Variants in DSCAM observed in about 807,000 individuals in gnomAD.
DSCAM encodes the protein cell adhesion molecule DSCAM.
In DSCAM, 47 loss-of-function variants were observed where a neutral mutation model predicts 217.7. That is an observed-to-expected ratio of 0.22 (90% CI 0.17 to 0.28). DSCAM has a LOEUF of 0.28. Ranked by LOEUF, DSCAM falls within the 10% of genes least tolerant of loss-of-function variation. DSCAM has a pLI of 1.00. For missense variants in DSCAM, 2,080 were observed against 2,618.3 expected, an observed-to-expected ratio of 0.79 and a Z score of 4.49; for synonymous variants, 1,056 against 1,015.3, an observed-to-expected ratio of 1.04 and a Z score of -0.76.
At chr21:40,705,844 C>T (rs1375026433) in intron 2 of DSCAM, among the ~76,000 whole-genome samples, 4 of 152,168 alleles carry the variant, frequency 2.6e-5, no homozygotes, top group Non-Finnish European at 5.9e-5. Context: ...AATGTGGCTC[C>T]CACACCTCCA....
chr21:40,642,169 C>T (rs560731537), intron 3 of DSCAM, among the ~76,000 whole-genome samples: 12 of 152,178 alleles, frequency 7.9e-5, no homozygotes, highest in African/African-American at 2.6e-4. Flanking sequence ...ACAGCTGGGC[C>T]CTGGCTGTTG....
intron 3 of DSCAM, among the ~76,000 whole-genome samples, chr21:40,677,063 G>A (rs1248109811): frequency 6.6e-6 from 1 of 152,118 alleles, no homozygotes; most frequent in Non-Finnish European, 1.5e-5. Flanking sequence ...AATTAGCCGG[G>A]GGGGAATCTC....
At chr21:40,459,395 T>C (rs1326447335) in intron 3 of DSCAM, among the ~76,000 whole-genome samples, 3 of 152,042 alleles carry the variant, frequency 2.0e-5, no homozygotes, top group Non-Finnish European at 4.4e-5. Flanking sequence ...ACTGTATAAA[T>C]AAAAAGTTCA....
At chr21:40,500,174 A>T (rs1440848949) in intron 3 of DSCAM, among the ~76,000 whole-genome samples, 8 of 152,202 alleles carry the variant, frequency 5.3e-5, no homozygotes, top group Admixed American at 5.2e-4. Flanking sequence ...TCAGGACAAC[A>T]CATGATTTGC....
intron 3 of DSCAM, among the ~76,000 whole-genome samples, chr21:40,649,866 G>A (rs574338935): frequency 1.4e-4 from 21 of 152,330 alleles, no homozygotes; most frequent in African/African-American, 4.8e-4. Context: ...TGTCAGCAGT[G>A]CCTTCTGCAA....
At chr21:40,808,468 A>G (rs2091807735) in intron 1 of DSCAM, among the ~76,000 whole-genome samples, 1 of 128,090 alleles carries the variant, frequency 7.8e-6, no homozygotes, top group Non-Finnish European at 1.6e-5. Flanking sequence ...GGTTAATACA[A>G]CCATCATTTT....
chr21:40,777,519 C>T (rs778612477), intron 1 of DSCAM, among the ~76,000 whole-genome samples: 2 of 152,090 alleles, frequency 1.3e-5, no homozygotes, highest in Non-Finnish European at 2.9e-5. Context: ...AAAATACAAA[C>T]GTTGGATGAA....
chr21:40,374,233 A>T (rs2074928182), intron 3 of DSCAM, among the ~76,000 whole-genome samples: 1 of 152,218 alleles, frequency 6.6e-6, no homozygotes, highest in Non-Finnish European at 1.5e-5. Context: ...AAAAAATTAA[A>T]TTGGTATCTA....
intron 1 of DSCAM, among the ~76,000 whole-genome samples, chr21:40,760,497 C>T (rs190104264): frequency 3.9e-5 from 6 of 152,344 alleles, no homozygotes; most frequent in East Asian, 3.9e-4. Context: ...CCTAGAGACA[C>T]TGTCTTTCTA....
chr21:40,092,203 C>T (rs1046393877), intron 21 of DSCAM, among the ~76,000 whole-genome samples: 1 of 152,100 alleles, frequency 6.6e-6, no homozygotes, highest in Non-Finnish European at 1.5e-5. Context: ...TCCCTTCTTC[C>T]CCCATCTATT....
At chr21:40,685,934 A>T (rs2146435548) in intron 3 of DSCAM, among the ~76,000 whole-genome samples, 2 of 80,668 alleles carry the variant, frequency 2.5e-5, no homozygotes, top group South Asian at 4.4e-4. Flanking sequence ...AACTGAGGCA[A>T]ACAAAAACAA....
intron 8 of DSCAM, among the ~76,000 whole-genome samples, chr21:40,318,311 T>C (rs924615116): frequency 6.8e-6 from 1 of 146,816 alleles, no homozygotes; most frequent in Non-Finnish European, 1.5e-5. Context: ...ATTGTGCACA[T>C]GTACCCTAAA....
At chr21:40,138,179 C>T (rs1191321641) in intron 18 of DSCAM, among the ~76,000 whole-genome samples, 2 of 151,940 alleles carry the variant, frequency 1.3e-5, no homozygotes, top group Non-Finnish European at 2.9e-5. Flanking sequence ...GGAAAGTATT[C>T]GGGCTATTGC....
rs529619924 is a variant in DSCAM at position 40,224,331 on chromosome 21, C to A, written c.2357-35093G>T. On this transcript the variant is annotated intron_variant, in intron 11 of 32. Transcript: ENST00000400454. Reference sequence around the variant, plus strand: ...GATATCATATTTAATATTTAAATGTCTCTGGTATTTACACATCTCTGGTAG... The same window carrying A: ...GATATCATATTTAATATTTAAATGTATCTGGTATTTACACATCTCTGGTAG... 1.4e-4 allele frequency among the ~76,000 whole-genome samples: 21 copies of A among 152,250 alleles called. No individual in the cohort carries two copies. In the South Asian group the frequency reaches 2.9e-3, roughly 21 times the overall value.
At chr21:40,492,553 T>A (rs879857782) in intron 3 of DSCAM, among the ~76,000 whole-genome samples, 17 of 151,920 alleles carry the variant, frequency 1.1e-4, no homozygotes, top group Non-Finnish European at 2.1e-4. Context: ...CATTTTTTTT[T>A]AAAAGCAAAT....
At chr21:40,780,418 T>TATATATATAC (rs2091530297) in intron 1 of DSCAM, among the ~76,000 whole-genome samples, 1 of 61,286 alleles carries the variant, frequency 1.6e-5, no homozygotes, top group African/African-American at 1.2e-4. Flanking sequence ...TGTGTGTGTG[T>TATATATATAC]GTGTGTATAT....
At chr21:40,019,246 G>A (rs994851700) in intron 32 of DSCAM, among the ~76,000 whole-genome samples, 1 of 152,208 alleles carries the variant, frequency 6.6e-6, no homozygotes. Context: ...TGAGACTGTG[G>A]TGACCATGGG....
intron 1 of DSCAM, among the ~76,000 whole-genome samples, chr21:40,710,189 TC>T (rs1308951085): frequency 6.6e-6 from 1 of 152,146 alleles, no homozygotes; most frequent in Non-Finnish European, 1.5e-5. Context: ...GGGTTTTTTT[TC>T]TTGTAAATTT....
chr21:40,674,620 CTTTTTCTTTTT>C (rs2090314757), intron 3 of DSCAM, among the ~76,000 whole-genome samples: 1 of 100,574 alleles, frequency 9.9e-6, no homozygotes, highest in South Asian at 3.7e-4. Flanking sequence ...TTTTCTTTTT[CTTTTTCTTTTT>C]CTTTTTTTTT....
Sources: gnomAD v4.1 joint callset for allele counts (sites outside exome capture counted in the v4.1 genomes callset) on GRCh38, gnomAD v4.1.1 for gene constraint, MANE v1.5 for transcripts, NCBI Gene and HGNC (gene_info 2026-07-23, HGNC 2026-07-21) for gene names.